The following KIF25 variants were observed in gnomAD, a reference collection of about 807,000 sequenced individuals.
KIF25 encodes kinesin-like protein KIF25.
A neutral mutation model predicts 32.9 loss-of-function variants in KIF25; 19 were observed. The ratio of observed to expected loss-of-function variants is 0.58; its 90% confidence interval spans 0.40 to 0.85. KIF25 has a LOEUF of 0.85. Ranked by LOEUF, KIF25 falls within the 40% of genes least tolerant of loss-of-function variation. KIF25 has a pLI of 0.00. For missense variants in KIF25, 485 were observed against 507.0 expected (o/e 0.96, Z 0.42); for synonymous variants, 225 against 213.7 (o/e 1.05, Z -0.46).
intron 4 of KIF25, among the ~76,000 whole-genome samples, chr6:168,005,647 C>G (rs556955213): frequency 6.6e-6 from 1 of 152,230 alleles, no homozygotes; most frequent in African/African-American, 2.4e-5. Context: ...AGAGCCAGTC[C>G]GAGATCCAAA....
chr6:168,003,613 G>A lies in KIF25; in HGVS notation c.-252-1G>A, dbSNP rs1389951940. The A allele has an allele frequency of 6.6e-6, 1 of 152,188 alleles. No homozygotes were observed. The highest frequency in any genetic ancestry group is 2.4e-5 in the African/African-American group (1 of 41,440). The allele number at this position is 152,188 out of a possible 1,614,324, so 9.4% of individuals were successfully genotyped here. ...TTTTCAATGTTGTTTCATTCCCTCA[G>A]CTCCATCTCTAGAGAAGCGGCCCAT... is the stretch of plus-strand genomic sequence containing the variant. On this transcript the variant is annotated splice_acceptor_variant, in intron 3 of 12. Coordinates refer to ENST00000643607, the MANE Select transcript of KIF25 (RefSeq NM_030615.4). LOFTEE classifies it low-confidence loss of function (5UTR_SPLICE).
Position 168,040,718 on chromosome 6 carries a change from AGT to A in KIF25, c.646+504_646+505del, listed in dbSNP as rs561399895. On this transcript the variant is annotated intron_variant, in intron 10 of 12. Transcript: ENST00000643607. ...CTGGGATCCCAGGCTGAGAAGAAAA[AGT>A]GAGAGTGGGAGGGAGGAAAACACTC... 1.4e-3 allele frequency among the ~76,000 whole-genome samples: 214 copies of A among 152,344 alleles called. 2 individuals carry two copies. Among genetic ancestry groups the A allele is most frequent in the African/African-American group, 4.6e-3 (193 of 41,582 alleles).
chr6:167,999,879 C>G (rs1004604869), intron 2 of KIF25, among the ~76,000 whole-genome samples: 1 of 151,942 alleles, frequency 6.6e-6, no homozygotes. Context: ...ATGAAACAAA[C>G]CCCCTGGAAA....
chr6:168,005,472 A>C (rs1436132111), intron 4 of KIF25, among the ~76,000 whole-genome samples: 1 of 152,218 alleles, frequency 6.6e-6, no homozygotes, highest in East Asian at 1.9e-4. Context: ...CTGTGCTAAC[A>C]GGTCTGTCTG....
At chr6:168,015,736 G>A (rs73040837) in intron 4 of KIF25, among the ~76,000 whole-genome samples, 2,974 of 152,308 alleles carry the variant, frequency 0.02, 29 homozygotes, top group Non-Finnish European at 0.03. Context: ...AGGCAGGAAC[G>A]CATTGAAGCT....
intron 6 of KIF25, among the ~76,000 whole-genome samples, chr6:168,030,098 T>C (rs1798920144): frequency 6.6e-6 from 1 of 152,232 alleles, no homozygotes; most frequent in African/African-American, 2.4e-5. Flanking sequence ...CTCACCGTGC[T>C]CCAGGCTTCT....
intron 8 of KIF25, 114 bp downstream of exon 8, chr6:168,034,145 C>T (rs1173731741): frequency 9.3e-7 from 1 of 1,071,460 alleles, no homozygotes; most frequent in African/African-American, 1.6e-5. Flanking sequence ...TGATCAAACC[C>T]CATAATCTCA....
At position 167,999,171 on chromosome 6, in the gene KIF25, G is replaced by C. The variant is rs773247010; in HGVS notation, c.-519G>C. 6.6e-5 allele frequency: 10 copies of C among 152,316 alleles called. No individual in the cohort carries two copies. The highest frequency in any genetic ancestry group is 2.4e-4 in the African/African-American group (10 of 41,478). 9.4% of individuals were successfully genotyped at this position (152,316 alleles called of 1,614,324 possible). Reference sequence around the variant, plus strand: ...CTGGTGCCCGGTGCACGTTCAGTGGGGGATGCTCCGCAGTGCAGGCTCGCG... The same window carrying C: ...CTGGTGCCCGGTGCACGTTCAGTGGCGGATGCTCCGCAGTGCAGGCTCGCG... On this transcript the variant is annotated 5_prime_UTR_variant, in exon 2 of 13. Transcript: ENST00000643607.
intron 4 of KIF25, among the ~76,000 whole-genome samples, chr6:168,010,892 T>A (rs1044859120): frequency 6.6e-6 from 1 of 152,164 alleles, no homozygotes; most frequent in African/African-American, 2.4e-5. Context: ...GCTTTTAACT[T>A]GAAGTCTGCT....
rs567325986 is a variant in KIF25, at chr6:168,041,828, C to T, written c.647-141C>T. ...GAAGCCACTATCCCCTGGACCTCTG[C>T]GGAAATCCCACTTCTTACTGGGTGG... On this transcript the variant is annotated intron_variant, in intron 10 of 12. Coordinates refer to ENST00000643607, the MANE Select transcript of KIF25 (RefSeq NM_030615.4). 9.2e-4 allele frequency: 709 copies of T among 768,128 alleles called. 3 individuals carry two copies. The highest frequency in any genetic ancestry group is 1.8e-3 in the Admixed American group (65 of 35,406). The allele number at this position is 768,128 out of a possible 1,614,324, so 47.6% of individuals were successfully genotyped here. A position where few individuals can be genotyped will look rare whatever the true frequency, so the allele number is the denominator to read the frequency against.
At chr6:168,026,713 TA>T (rs1348212580) in intron 5 of KIF25, among the ~76,000 whole-genome samples, 2 of 152,048 alleles carry the variant, frequency 1.3e-5, no homozygotes, top group Non-Finnish European at 2.9e-5. Flanking sequence ...CTAAGTGAAA[TA>T]AAAATATTAT....
intron 7 of KIF25, among the ~76,000 whole-genome samples, chr6:168,032,643 G>C (rs1798957791): frequency 6.6e-6 from 1 of 152,162 alleles, no homozygotes; most frequent in Admixed American, 6.5e-5. Context: ...TCCTTTTCTA[G>C]GGGAGACTTA....
chr6:168,042,115 C>G lies in KIF25; in HGVS notation c.793C>G (p.Leu265Val). Residue 265 changes from leucine to valine, a missense_variant, in exon 11 of 13, where the codon CTA becomes GTA. Physicochemically the swap from Leu to Val is conservative, Grantham distance 32. Coordinates refer to ENST00000643607, the MANE Select transcript of KIF25 (RefSeq NM_030615.4). ...GCATGCGGAGCAGGTGCAGGCTCGA[C>G]TACAGCTCGTGGACTCGGCCGGCAG... ...AGHAEQVQAR[L>V]QLVDSAGSEC... 1 of 1,551,208 alleles carries G rather than the reference C, an allele frequency of 6.4e-7. No homozygotes were observed. Among genetic ancestry groups the G allele is most frequent in the Non-Finnish European group, 8.7e-7 (1 of 1,147,662 alleles).
intron 7 of KIF25, among the ~76,000 whole-genome samples, chr6:168,033,425 A>G (rs561494301): frequency 2.0e-5 from 3 of 151,566 alleles, no homozygotes; most frequent in African/African-American, 7.3e-5. Flanking sequence ...GCTTGAACCC[A>G]GGAGGCAGAG....
At chr6:168,030,505 T>C (rs191556602) in intron 6 of KIF25, 2,239 of 140,274 alleles carry the variant, frequency 0.016, 65 homozygotes, top group African/African-American at 0.056. Context: ...TCCCTTCCCC[T>C]TCCCTTCCTT....
chr6:168,035,671 G>T, intron 8 of KIF25: 1 of 455,350 alleles, frequency 2.2e-6, no homozygotes, highest in East Asian at 7.0e-5. Flanking sequence ...AAGCGTTTCA[G>T]TCGCCTCGTT....
At position 168,028,269 on chromosome 6, in the gene KIF25, C is replaced by G. The variant is rs557522484; in HGVS notation, c.-94-1223C>G. Reference sequence around the variant, plus strand: ...TTTTGCCCGTTGCCCAGGCTGGTCTCAAACTCTTGGGCTCAAATGATCTGT... The same window carrying G: ...TTTTGCCCGTTGCCCAGGCTGGTCTGAAACTCTTGGGCTCAAATGATCTGT... On this transcript the variant is annotated intron_variant, in intron 5 of 12. Transcript: ENST00000643607. 3.3e-5 allele frequency among the ~76,000 whole-genome samples: 5 copies of G among 152,248 alleles called. No homozygotes were observed. The East Asian group carries it at 9.7e-4, about 29-fold the overall frequency.
At position 168,042,639 on chromosome 6, in the gene KIF25, T is replaced by C. The variant is rs767468913; in HGVS notation, c.908T>C (p.Leu303Pro). 8 of 1,613,786 alleles carry C rather than the reference T, an allele frequency of 5.0e-6. No individual in the cohort carries two copies. The African/African-American group carries it at 1.1e-4, about 22-fold the overall frequency. The change falls in exon 12 of 13, where the codon CTG becomes CCG. Residue 303 changes from leucine to proline, a missense_variant. Transcript: ENST00000643607. ...AGCCTTGCGGCCCTGGCAGGCGTCC[T>C]GGGGGCTTTGTTGGAGCACCGTGGC... Reference protein sequence around the residue: ...SRSLAALAGVLGALLEHRGHA... With the variant: ...SRSLAALAGVPGALLEHRGHA...
At chr6:168,044,805 AT>A in intron 12 of KIF25, 21 bp from the exon 13 acceptor site, 1 of 1,563,008 alleles carries the variant, frequency 6.4e-7, no homozygotes, top group Non-Finnish European at 8.7e-7. Context: ...TCCAGCTTGC[AT>A]GTTGTTTTTC....
Sources: allele counts gnomAD v4.1 joint callset (sites outside exome capture counted in the v4.1 genomes callset), GRCh38; gene constraint gnomAD v4.1.1; transcripts MANE v1.5; gene names NCBI Gene and HGNC (gene_info 2026-07-23, HGNC 2026-07-21).